MTPN: variants seen among roughly 807,000 people sequenced by gnomAD.
MTPN encodes the protein granule cell differentiation protein.
A neutral mutation model predicts 13.5 loss-of-function variants in MTPN; 2 were observed. The ratio of observed to expected loss-of-function variants is 0.15; its 90% CI spans 0.06 to 0.47. MTPN has a LOEUF of 0.47. MTPN is among the 20% of genes least tolerant of loss of function. The probability of loss-of-function intolerance (pLI) is 0.97; values close to 1 mark genes in which losing one functional copy is unlikely to be tolerated. For missense variants in MTPN, 79 were observed against 137.9 expected, an observed-to-expected ratio of 0.57 and a Z score of 2.14; for synonymous variants, 46 against 51.7, an observed-to-expected ratio of 0.89 and a Z score of 0.48.
chr7:135,973,044 A>G (rs1799719400), intron 1 of MTPN, among the ~76,000 whole-genome samples: 1 of 151,308 alleles, frequency 6.6e-6, no homozygotes, highest in Middle Eastern at 3.4e-3. Flanking sequence ...CTAGTACACC[A>G]TACCAATGAG....
intron 1 of MTPN, among the ~76,000 whole-genome samples, chr7:135,959,399 T>C (rs562224261): frequency 1.3e-5 from 2 of 152,280 alleles, no homozygotes; most frequent in South Asian, 4.1e-4. Flanking sequence ...TACTCATGGG[T>C]TGATTATGTA....
chr7:135,968,427 T>C (rs1365065809), intron 1 of MTPN, among the ~76,000 whole-genome samples: 5 of 150,706 alleles, frequency 3.3e-5, no homozygotes, highest in Non-Finnish European at 5.9e-5. Flanking sequence ...ACTGGTAATT[T>C]TCTGTGGACT....
chr7:135,967,485 A>G (rs990150942), intron 1 of MTPN, among the ~76,000 whole-genome samples: 1 of 152,158 alleles, frequency 6.6e-6, no homozygotes, highest in Non-Finnish European at 1.5e-5. Flanking sequence ...CCAACCAACC[A>G]ACCCTCATCC....
chr7:135,938,604 A>G (rs1233922931), intron 3 of MTPN, among the ~76,000 whole-genome samples: 3 of 152,242 alleles, frequency 2.0e-5, no homozygotes, highest in Non-Finnish European at 4.4e-5. Context: ...CAAGCTCTTC[A>G]TCATTCCATA....
chr7:135,958,880 A>G (rs1251532481), intron 1 of MTPN, among the ~76,000 whole-genome samples: 4 of 152,148 alleles, frequency 2.6e-5, no homozygotes, highest in South Asian at 2.1e-4. Context: ...AAATTTCACT[A>G]AAGTATTTCA....
At chr7:135,963,189 T>C (rs527940843) in intron 1 of MTPN, among the ~76,000 whole-genome samples, 2 of 152,162 alleles carry the variant, frequency 1.3e-5, no homozygotes, top group South Asian at 4.1e-4. Context: ...CCTTCCCCAA[T>C]GGGAATTCAG....
intron 1 of MTPN, among the ~76,000 whole-genome samples, chr7:135,960,013 A>G (rs1799497753): frequency 6.6e-6 from 1 of 152,004 alleles, no homozygotes; most frequent in Admixed American, 6.6e-5. Flanking sequence ...AAAGACATCA[A>G]TTTGGTTACT....
chr7:135,941,669 T>C lies in MTPN; in HGVS notation c.270+8930A>G, dbSNP rs545282119. Among the ~76,000 whole-genome samples, 8 of 152,258 alleles carry C rather than the reference T, an allele frequency of 5.3e-5. No individual in the cohort carries two copies. In the East Asian group the frequency reaches 1.5e-3, roughly 29 times the overall value. On this transcript the variant is annotated intron_variant, in intron 3 of 3. Transcript: ENST00000393085. ...ACAGTTAACTATAGTTCATTTTCAG[T>C]TGCATATATAATGGTCTTGGATTTG...
At chr7:135,944,215 C>G (rs1483995329) in intron 3 of MTPN, among the ~76,000 whole-genome samples, 1 of 151,878 alleles carries the variant, frequency 6.6e-6, no homozygotes, top group Non-Finnish European at 1.5e-5. Flanking sequence ...CCCCACAATA[C>G]CCCATAGTTG....
chr7:135,974,744 AT>A (rs1238208489), intron 1 of MTPN, among the ~76,000 whole-genome samples: 1 of 152,228 alleles, frequency 6.6e-6, no homozygotes, highest in Non-Finnish European at 1.5e-5. Flanking sequence ...ATAGATGCAC[AT>A]TACAGAAACT....
chr7:135,956,940 A>T (rs1799451134), intron 1 of MTPN, among the ~76,000 whole-genome samples: 1 of 151,966 alleles, frequency 6.6e-6, no homozygotes, highest in African/African-American at 2.4e-5. Flanking sequence ...TTCACCGTCC[A>T]CTCTAATTTG....
chr7:135,973,917 A>G (rs943874002), intron 1 of MTPN, among the ~76,000 whole-genome samples: 7 of 152,212 alleles, frequency 4.6e-5, no homozygotes, highest in African/African-American at 1.7e-4. Context: ...AATTAACTAA[A>G]TGTGGTCCTT....
chr7:135,940,933 TAAATA>T (rs1269454822), intron 3 of MTPN, among the ~76,000 whole-genome samples: 3 of 152,220 alleles, frequency 2.0e-5, no homozygotes, highest in Admixed American at 6.5e-5. Context: ...ACAGCTTTGG[TAAATA>T]AAATGTTACT....
chr7:135,940,574 T>C (rs1244988639), intron 3 of MTPN, among the ~76,000 whole-genome samples: 1 of 152,222 alleles, frequency 6.6e-6, no homozygotes, highest in Non-Finnish European at 1.5e-5. Context: ...GTTAACTCCA[T>C]TTTGTAGACA....
At chr7:135,950,217 G>GA (rs1799344665) in intron 3 of MTPN, among the ~76,000 whole-genome samples, 1 of 152,178 alleles carries the variant, frequency 6.6e-6, no homozygotes, top group Non-Finnish European at 1.5e-5. Flanking sequence ...TCCAGAAAAT[G>GA]AAACATATAC....
At chr7:135,958,334 T>C (rs112327196) in intron 1 of MTPN, among the ~76,000 whole-genome samples, 17 of 152,346 alleles carry the variant, frequency 1.1e-4, no homozygotes, top group African/African-American at 3.8e-4. Flanking sequence ...TAATAGTTTC[T>C]ACAGTCACTT....
At chr7:135,974,047 A>G (rs1477113261) in intron 1 of MTPN, among the ~76,000 whole-genome samples, 2 of 152,060 alleles carry the variant, frequency 1.3e-5, no homozygotes, top group Non-Finnish European at 2.9e-5. Flanking sequence ...AATAATCTAA[A>G]TTTTTCTCTC....
At chr7:135,953,656 T>C (rs912460543) in intron 1 of MTPN, among the ~76,000 whole-genome samples, 3 of 152,218 alleles carry the variant, frequency 2.0e-5, no homozygotes, top group African/African-American at 7.2e-5. Context: ...AGAAGGGTGA[T>C]ATCAACTGTC....
intron 1 of MTPN, among the ~76,000 whole-genome samples, chr7:135,961,654 A>C (rs1437602215): frequency 3.3e-5 from 5 of 152,056 alleles, no homozygotes; most frequent in Non-Finnish European, 4.4e-5. Flanking sequence ...GGCTCTTAAC[A>C]TCAAATTTAA....
Sources: allele counts gnomAD v4.1 joint callset (sites outside exome capture counted in the v4.1 genomes callset), GRCh38; gene constraint gnomAD v4.1.1; transcripts MANE v1.5; gene names NCBI Gene and HGNC (gene_info 2026-07-23, HGNC 2026-07-21).